CSMD3: variants seen among roughly 807,000 people sequenced by gnomAD.
CSMD3 encodes CUB and sushi domain-containing protein 3.
In CSMD3, 177 loss-of-function variants were observed where a neutral mutation model predicts 435.2. The observed-to-expected ratio is 0.41, with a 90% CI of 0.36 to 0.46. CSMD3 has a LOEUF of 0.46. Ranked by LOEUF, CSMD3 falls within the 20% of genes least tolerant of loss-of-function variation. The pLI is 0.34. For synonymous variants in CSMD3, 1,656 were observed against 1,520.5 expected (o/e 1.09, Z -2.07); for missense variants, 4,265 against 4,504.6 (o/e 0.95, Z 1.52).
intron 32 of CSMD3, among the ~76,000 whole-genome samples, chr8:112,452,650 T>G (rs886672778): frequency 6.6e-6 from 1 of 152,208 alleles, no homozygotes; most frequent in African/African-American, 2.4e-5. Context: ...TTTAACTCTA[T>G]AACAGGTTTT....
At chr8:113,205,802 A>C (rs908305321) in intron 3 of CSMD3, among the ~76,000 whole-genome samples, 8 of 152,224 alleles carry the variant, frequency 5.3e-5, no homozygotes, top group African/African-American at 1.9e-4. Flanking sequence ...ATATACTAAA[A>C]CATAAAACAT....
At chr8:112,718,019 C>T (rs970144671) in intron 13 of CSMD3, among the ~76,000 whole-genome samples, 1 of 151,832 alleles carries the variant, frequency 6.6e-6, no homozygotes, top group African/African-American at 2.4e-5. Context: ...CCATGGGTCA[C>T]GTATACTTAA....
chr8:112,697,967 G>A (rs921267232), intron 13 of CSMD3, among the ~76,000 whole-genome samples: 1 of 152,094 alleles, frequency 6.6e-6, no homozygotes, highest in Admixed American at 6.6e-5. Flanking sequence ...ATCAGAAAAG[G>A]TATAAAGCCT....
At chr8:113,308,020 T>C (rs1422247579) in intron 2 of CSMD3, among the ~76,000 whole-genome samples, 5 of 152,154 alleles carry the variant, frequency 3.3e-5, no homozygotes, top group African/African-American at 9.6e-5. Context: ...CCCATGGCTA[T>C]AGAGTGTTTC....
intron 32 of CSMD3, among the ~76,000 whole-genome samples, chr8:112,435,378 A>AT (rs201940378): frequency 0.02 from 2,977 of 152,164 alleles, 87 homozygotes; most frequent in African/African-American, 0.068. Context: ...ACATGAGACA[A>AT]TTGACACTTA....
intron 3 of CSMD3, among the ~76,000 whole-genome samples, chr8:113,184,951 T>C (rs568291867): frequency 1.6e-4 from 25 of 152,082 alleles, no homozygotes; most frequent in Admixed American, 3.9e-4. Flanking sequence ...ATGTCCAAAC[T>C]TTTTTCACCT....
At chr8:113,272,064 A>AT (rs2093532377) in intron 3 of CSMD3, among the ~76,000 whole-genome samples, 1 of 151,924 alleles carries the variant, frequency 6.6e-6, no homozygotes, top group South Asian at 2.1e-4. Flanking sequence ...GAATGGCTGT[A>AT]TTTTTTCAAT....
At chr8:113,019,793 G>A (rs953418705) in intron 5 of CSMD3, among the ~76,000 whole-genome samples, 1 of 151,954 alleles carries the variant, frequency 6.6e-6, no homozygotes, top group Non-Finnish European at 1.5e-5. Context: ...AAATTTCACA[G>A]TTTATTTTCA....
intron 41 of CSMD3, among the ~76,000 whole-genome samples, chr8:112,345,699 T>A (rs1825599001): frequency 6.6e-6 from 1 of 152,050 alleles, no homozygotes; most frequent in Non-Finnish European, 1.5e-5. Context: ...CTCTTGAAAA[T>A]TGCTAAGAGG....
chr8:113,353,348 A>C (rs1015857509), intron 1 of CSMD3, among the ~76,000 whole-genome samples: 39 of 152,180 alleles, frequency 2.6e-4, no homozygotes, highest in African/African-American at 9.4e-4. Context: ...TAGGAACAAG[A>C]GGCTGTAGAG....
chr8:112,706,549 A>G (rs2076502938), intron 13 of CSMD3, among the ~76,000 whole-genome samples: 1 of 152,026 alleles, frequency 6.6e-6, no homozygotes, highest in Non-Finnish European at 1.5e-5. Context: ...TATGGAGAGT[A>G]GTTTGACCAA....
chr8:112,636,920 C>G lies in CSMD3; in HGVS notation c.3612G>C (p.Leu1204=), dbSNP rs1283730563. The G allele has an allele frequency of 1.1e-5, 17 of 1,613,508 alleles. No individual in the cohort carries two copies. Among genetic ancestry groups the G allele is most frequent in the Non-Finnish European group, 1.4e-5 (16 of 1,179,776 alleles). Residue 1204 remains leucine, a synonymous_variant, in exon 22 of 71, where the codon CTG becomes CTC. Transcript: ENST00000297405. ...IGFNFGIGDT[L]TFSCSSGYRL... ...GATAACCCGAAGAGCATGAGAAGGT[C>G]AGAGTGTCACCAATCCCAAAGTTGA...
rs117293953 is a variant in CSMD3, at chr8:112,856,692, G to A, written c.1755+2453C>T. Among the ~76,000 whole-genome samples the A allele has an allele frequency of 1.7e-3, 253 of 151,936 alleles. 3 individuals carry two copies. The East Asian group carries it at 0.042, about 25-fold the overall frequency. On this transcript the variant is annotated intron_variant, in intron 11 of 70. Transcript: ENST00000297405. ...AATTTCATCAAGTTTTAAATCTCAG[G>A]TTACTTTTTCCATCAACCATGTACT...
chr8:112,429,197 C>T (rs533631718), intron 32 of CSMD3, among the ~76,000 whole-genome samples: 4 of 152,142 alleles, frequency 2.6e-5, no homozygotes, highest in East Asian at 1.9e-4. Flanking sequence ...CACCTTCCCA[C>T]CCCACTAAAT....
chr8:112,802,952 C>T (rs1384180255), intron 12 of CSMD3, among the ~76,000 whole-genome samples: 3 of 151,964 alleles, frequency 2.0e-5, no homozygotes, highest in Admixed American at 1.3e-4. Flanking sequence ...ATAGGGGAAG[C>T]CAAGGATATT....
At chr8:112,333,399 T>G (rs894828068) in intron 45 of CSMD3, among the ~76,000 whole-genome samples, 1 of 152,100 alleles carries the variant, frequency 6.6e-6, no homozygotes, top group Non-Finnish European at 1.5e-5. Flanking sequence ...ACTCCCGACC[T>G]CAGGTAATCC....
In CSMD3 at chr8:113,296,291, T is replaced by TATAATAATAATAATAATA. The variant is rs4027872; in HGVS notation, c.402-17605_402-17588dup. 2.0e-3 allele frequency among the ~76,000 whole-genome samples: 294 copies of TATAATAATAATAATAATA among 146,258 alleles called. 1 individual carries two copies. Among genetic ancestry groups the TATAATAATAATAATAATA allele is most frequent in the East Asian group, 0.018 (89 of 4,954 alleles). On this transcript the variant is annotated intron_variant, in intron 2 of 70. Transcript: ENST00000297405. ...TGCACATGTACCCTAGAACTTAAAGTATAATAATAATAATAATAATAATAA... is the reference window on the plus strand; with the variant it reads ...TGCACATGTACCCTAGAACTTAAAGTATAATAATAATAATAATAATAATAATAATAATAATAATAATAA...
chr8:112,844,596 C>T (rs980770009), intron 11 of CSMD3, among the ~76,000 whole-genome samples: 1 of 151,968 alleles, frequency 6.6e-6, no homozygotes, highest in African/African-American at 2.4e-5. Context: ...AAGGGTTAGA[C>T]ACCATGTTGC....
chr8:112,226,351 G>T (rs1812557039), intron 70 of CSMD3, among the ~76,000 whole-genome samples: 1 of 151,812 alleles, frequency 6.6e-6, no homozygotes, highest in Non-Finnish European at 1.5e-5. Flanking sequence ...CAAAATAATT[G>T]CCCCTTCTTA....
Sources: gnomAD v4.1 joint callset for allele counts (sites outside exome capture counted in the v4.1 genomes callset) on GRCh38, gnomAD v4.1.1 for gene constraint, MANE v1.5 for transcripts, NCBI Gene and HGNC (gene_info 2026-07-23, HGNC 2026-07-21) for gene names.